Variants in SLC36A1 observed in about 807,000 individuals in gnomAD.
The protein encoded by SLC36A1 is solute carrier family 36 member 1, also known as proton-coupled amino acid transporter 1.
In SLC36A1, 30 loss-of-function variants were observed where a neutral mutation model predicts 47.5. The observed-to-expected ratio is 0.63, with a 90% CI of 0.47 to 0.86. The LOEUF (loss-of-function observed/expected upper bound fraction) is 0.86, where lower values mean the gene tolerates loss of function less well. SLC36A1 is among the 40% of genes least tolerant of loss of function. The pLI, the probability that SLC36A1 is intolerant of heterozygous loss-of-function variation, is 0.00. For synonymous variants in SLC36A1, 255 were observed against 249.7 expected, an observed-to-expected ratio of 1.02 and a Z score of -0.20; for missense variants, 517 against 606.0, an observed-to-expected ratio of 0.85 and a Z score of 1.54.
At chr5:151,484,997 G>A (rs1271327698) in intron 10 of SLC36A1, among the ~76,000 whole-genome samples, 1 of 152,160 alleles carries the variant, frequency 6.6e-6, no homozygotes, top group Non-Finnish European at 1.5e-5. Context: ...GAGAGGGCAA[G>A]TGTCTTGGTG....
the SLC36A1 span, among the ~76,000 whole-genome samples, chr5:151,407,734 C>T: frequency 6.6e-6 from 1 of 152,166 alleles, no homozygotes; most frequent in Non-Finnish European, 1.5e-5. Flanking sequence ...GCCTTCTGCC[C>T]TCTGCCATTC....
the SLC36A1 span, among the ~76,000 whole-genome samples, chr5:151,393,916 A>G: frequency 6.6e-6 from 1 of 152,088 alleles, no homozygotes; most frequent in Non-Finnish European, 1.5e-5. Context: ...TCTTTGTGGC[A>G]TTCACTGTAT....
chr5:151,437,219 T>C (rs1759819328), intron 1 of SLC36A1: 2 of 152,208 alleles, frequency 1.3e-5, no homozygotes, highest in Non-Finnish European at 2.9e-5. Context: ...GTGGAAGCCA[T>C]GAACACAATT....
chr5:151,521,359 G>C, the SLC36A1 span: 2 of 1,614,204 alleles, frequency 1.2e-6, no homozygotes, highest in South Asian at 2.2e-5. Context: ...CCCAACCTTG[G>C]GGTCCAGATG....
chr5:151,474,183 A>AAAAAAAAAAAAATTATCTTC (rs1561770143), intron 8 of SLC36A1, among the ~76,000 whole-genome samples: 9 of 145,436 alleles, frequency 6.2e-5, no homozygotes, highest in African/African-American at 2.2e-4. Flanking sequence ...AAAAAAAGAA[A>AAAAAAAAAAAAATTATCTTC]TTATCTTCTG....
chr5:151,441,278 A>G (rs145937691), intron 1 of SLC36A1, among the ~76,000 whole-genome samples: 115 of 152,360 alleles, frequency 7.5e-4, no homozygotes, highest in African/African-American at 2.5e-3. Flanking sequence ...CAACATAGCA[A>G]GACCTCATTT....
intron 1 of SLC36A1, among the ~76,000 whole-genome samples, chr5:151,451,463 A>G (rs1286720002): frequency 6.6e-6 from 1 of 152,192 alleles, no homozygotes; most frequent in Non-Finnish European, 1.5e-5. Context: ...CATGTCACTT[A>G]GATCACCATC....
chr5:151,546,751 T>C, the SLC36A1 span, among the ~76,000 whole-genome samples: 1 of 152,058 alleles, frequency 6.6e-6, no homozygotes, highest in Admixed American at 6.5e-5. Context: ...TCAGGGTCTT[T>C]CCTGTCACCC....
Position 151,468,266 on chromosome 5 carries a change from AATAT to A in SLC36A1, c.723+366_723+369del, listed in dbSNP as rs1554113501. 1.8e-3 allele frequency among the ~76,000 whole-genome samples: 116 copies of A among 63,812 alleles called. 1 individual carries two copies. Among genetic ancestry groups the A allele is most frequent in the African/African-American group, 8.9e-3 (101 of 11,378 alleles). 41.9% of individuals were successfully genotyped at this position (63,812 alleles called of 152,430 possible). ...GACTCTGTCTCAAAAAAAAAAAAAA[AATAT>A]ATATATATATATATATATATATATT... On this transcript the variant is annotated intron_variant, in intron 7 of 10. Coordinates refer to ENST00000243389, the MANE Select transcript of SLC36A1 (RefSeq NM_078483.4).
the SLC36A1 span, among the ~76,000 whole-genome samples, chr5:151,353,460 CAG>C: frequency 1.3e-5 from 2 of 152,162 alleles, no homozygotes; most frequent in East Asian, 1.9e-4. Context: ...GCCAAAGGAG[CAG>C]AGAGTTCCCA....
At chr5:151,537,873 A>G in the SLC36A1 span, 1 of 1,614,188 alleles carries the variant, frequency 6.2e-7, no homozygotes, top group Admixed American at 1.7e-5. Flanking sequence ...ATCAGTGTCC[A>G]AGTCTGTGGC....
Position 151,488,335 on chromosome 5 carries a change from C to A in SLC36A1, c.*81C>A. 6.6e-7 allele frequency: 1 copy of A among 1,512,932 alleles called. No homozygotes were observed. The highest frequency in any genetic ancestry group is 1.3e-5 in the South Asian group (1 of 77,210). 93.7% of individuals were successfully genotyped at this position (1,512,932 alleles called of 1,614,324 possible). A position where few individuals can be genotyped will look rare whatever the true frequency, so the allele number is the denominator to read the frequency against. ...CTGTCCTCAGAGCCTCAGGTATGGT[C>A]CAGGCTCTGAGGAAAGTCAGGGTTG... On this transcript the variant is annotated 3_prime_UTR_variant, in exon 11 of 11. Coordinates refer to ENST00000243389, the MANE Select transcript of SLC36A1 (RefSeq NM_078483.4).
At chr5:151,476,466 C>G in intron 8 of SLC36A1, 124 bp from the exon 9 acceptor site, 1 of 711,930 alleles carries the variant, frequency 1.4e-6, no homozygotes, top group South Asian at 2.3e-5. Flanking sequence ...ATTTAAAGAG[C>G]AGATGTGCTT....
chr5:151,533,854 A>G, the SLC36A1 span, among the ~76,000 whole-genome samples: 6 of 152,184 alleles, frequency 3.9e-5, no homozygotes, highest in Admixed American at 6.5e-5. Context: ...AGCATAAGCT[A>G]TAATTGGTAC....
the SLC36A1 span, chr5:151,517,679 T>C: frequency 6.2e-7 from 1 of 1,614,112 alleles, no homozygotes; most frequent in Non-Finnish European, 8.5e-7. Context: ...GGCTGGAGTG[T>C]TTTCAGATAG....
the SLC36A1 span, chr5:151,551,513 T>C: frequency 6.2e-7 from 1 of 1,614,188 alleles, no homozygotes; most frequent in Non-Finnish European, 8.5e-7. Context: ...AACAGTCAAG[T>C]TATAGTTCGA....
rs3086279 is a variant in SLC36A1 at position 151,461,154 on chromosome 5, A to AT, written c.143+2236dup. Among the ~76,000 whole-genome samples, 931 of 125,572 alleles carry AT rather than the reference A, an allele frequency of 7.4e-3. 14 individuals carry two copies. The highest frequency in any genetic ancestry group is 0.028 in the Admixed American group (343 of 12,332). 82.4% of individuals were successfully genotyped at this position (125,572 alleles called of 152,430 possible). The stretch of plus-strand genomic sequence containing the variant: ...AGGCATGCTCCTGGCTACTTTTTGT[A>AT]TTTTTTTTTTTTTTTTTGTAGAGAT... On this transcript the variant is annotated intron_variant, in intron 2 of 10. Transcript: ENST00000243389.
intron 10 of SLC36A1, chr5:151,479,924 G>T (rs1758584412): frequency 3.7e-6 from 2 of 547,162 alleles, no homozygotes; most frequent in African/African-American, 3.9e-5. Context: ...TCCTTTAGAG[G>T]CTTTATGATA....
the SLC36A1 span, among the ~76,000 whole-genome samples, chr5:151,426,416 T>C: frequency 6.6e-6 from 1 of 151,946 alleles, no homozygotes; most frequent in African/African-American, 2.4e-5. Context: ...CAGGAAAACG[T>C]GAGCAAAGGT....
Sources: gnomAD v4.1 joint callset for allele counts (sites outside exome capture counted in the v4.1 genomes callset) on GRCh38, gnomAD v4.1.1 for gene constraint, MANE v1.5 for transcripts, NCBI Gene and HGNC (gene_info 2026-07-23, HGNC 2026-07-21) for gene names.